DPP4: variants seen among roughly 807,000 people sequenced by gnomAD.
DPP4 encodes dipeptidyl peptidase 4.
In DPP4, 93 loss-of-function variants were observed where a neutral mutation model predicts 122.4. That is an observed-to-expected ratio of 0.76 (90% CI 0.64 to 0.90). DPP4 has a LOEUF of 0.90. Among genes scored for constraint, DPP4 ranks in the 40% least tolerant of loss-of-function variants. The probability of loss-of-function intolerance (pLI) is 0.00; values close to 1 mark genes in which losing one functional copy is unlikely to be tolerated. For missense variants in DPP4, 914 were observed against 907.3 expected, an observed-to-expected ratio of 1.01 and a Z score of -0.09; for synonymous variants, 321 against 302.9, an observed-to-expected ratio of 1.06 and a Z score of -0.62.
intron 25 of DPP4, 132 bp downstream of exon 25, chr2:161,994,829 T>C: frequency 1.3e-6 from 1 of 751,318 alleles, no homozygotes; most frequent in Non-Finnish European, 2.2e-6. Flanking sequence ...CTCTTCTGAC[T>C]TCACGTTGAA....
Position 162,074,073 on chromosome 2 carries a change from C to T in DPP4, c.-92G>A. 2 of 1,531,042 alleles carry T rather than the reference C, an allele frequency of 1.3e-6. No homozygotes were observed. Among genetic ancestry groups the T allele is most frequent in the Non-Finnish European group, 1.8e-6 (2 of 1,139,998 alleles). The allele number at this position is 1,531,042 out of a possible 1,614,324, so 94.8% of individuals were successfully genotyped here. On this transcript the variant is annotated 5_prime_UTR_variant, in exon 1 of 26. Transcript: ENST00000360534. ...GAGACGCGCGTCCTGCACCGCTGCTCCGGGCGGTGGAGTCACTCGCCGCTG... is the reference window on the plus strand; with the variant it reads ...GAGACGCGCGTCCTGCACCGCTGCTTCGGGCGGTGGAGTCACTCGCCGCTG...
chr2:162,009,584 T>C (rs1290808926), intron 20 of DPP4, among the ~76,000 whole-genome samples: 1 of 151,660 alleles, frequency 6.6e-6, no homozygotes, highest in Non-Finnish European at 1.5e-5. Flanking sequence ...CTGGCAGTTT[T>C]TTTCACAGTT....
At chr2:162,009,324 C>T (rs199637960) in intron 20 of DPP4, 29 bp from the exon 21 acceptor site, 22 of 1,605,096 alleles carry the variant, frequency 1.4e-5, no homozygotes, top group Non-Finnish European at 1.7e-5. Context: ...GTCCACAGAT[C>T]AGTACTGCAT....
In DPP4 at chr2:162,008,545, T is replaced by C. The variant is rs776278630; in HGVS notation, c.1987+17A>G. On this transcript the variant is annotated intron_variant, in intron 22 of 25. Coordinates refer to ENST00000360534, the MANE Select transcript of DPP4 (RefSeq NM_001935.4). Reference sequence around the variant, plus strand: ...TCAACACTCCGTATCTCTTTGTACCTGGCAGCAATTACATACCATAGTACT... The same window carrying C: ...TCAACACTCCGTATCTCTTTGTACCCGGCAGCAATTACATACCATAGTACT... 5 of 1,606,942 alleles carry C rather than the reference T, an allele frequency of 3.1e-6. No homozygotes were observed. The highest frequency in any genetic ancestry group is 1.6e-4 in the Middle Eastern group (1 of 6,064).
Position 162,009,290 on chromosome 2 carries a change from A to G in DPP4, c.1838T>C (p.Phe613Ser), listed in dbSNP as rs1701359404. The G allele has an allele frequency of 6.2e-7, 1 of 1,613,616 alleles. No individual in the cohort carries two copies. ...VEDQIEAARQ[F>S]SKMGFVDNKR... ...GTTGTCCACAAATCCCATTTTTGAA[A>G]ATTGTCTAAAACACAAGGAAAAAGT... The change falls in exon 21 of 26, where the codon TTT becomes TCT. Residue 613 changes from phenylalanine (F) to serine (S), a missense_variant. By Grantham distance (155) the Phe-to-Ser change is radical. Coordinates refer to ENST00000360534, the MANE Select transcript of DPP4 (RefSeq NM_001935.4).
intron 24 of DPP4, 101 bp downstream of exon 24, chr2:161,995,199 G>T: frequency 1.5e-6 from 2 of 1,327,142 alleles, no homozygotes; most frequent in East Asian, 2.3e-5. Context: ...CTGTTTTATT[G>T]AAGTAAATGT....
At chr2:162,035,131 T>G in intron 9 of DPP4, 33 bp downstream of exon 9, 1 of 1,580,954 alleles carries the variant, frequency 6.3e-7, no homozygotes, top group African/African-American at 1.4e-5. Flanking sequence ...TCCCATCAAA[T>G]CATGGAACCA....
chr2:162,020,799 A>G (rs1683098444), intron 12 of DPP4, 111 bp from the exon 13 acceptor site: 2 of 602,422 alleles, frequency 3.3e-6, no homozygotes, highest in East Asian at 6.1e-5. Context: ...TCCATGCTCC[A>G]TTTATATGCC....
intron 16 of DPP4, chr2:162,017,584 C>T (rs543260374): frequency 6.2e-6 from 1 of 160,542 alleles, no homozygotes; most frequent in African/African-American, 2.4e-5. Context: ...AGGGACAGAT[C>T]TCCCCCCGCT....
chr2:162,004,218 G>A (rs1265384768), intron 23 of DPP4, among the ~76,000 whole-genome samples: 1 of 152,150 alleles, frequency 6.6e-6, no homozygotes, highest in Non-Finnish European at 1.5e-5. Context: ...GTGGGTGGGA[G>A]TTAATCTCCC....
At chr2:162,042,225 G>A (rs1022332077) in intron 5 of DPP4, among the ~76,000 whole-genome samples, 5 of 152,126 alleles carry the variant, frequency 3.3e-5, no homozygotes, top group Non-Finnish European at 7.3e-5. Context: ...GGATAATGCC[G>A]GCAACAATCT....
chr2:162,021,676 G>A (rs989179318), intron 12 of DPP4: 3 of 152,318 alleles, frequency 2.0e-5, no homozygotes, highest in African/African-American at 7.2e-5. Flanking sequence ...CTCTAGACCT[G>A]TGTTCACAGC....
chr2:162,014,529 C>A, intron 18 of DPP4, 64 bp from the exon 19 acceptor site: 2 of 1,226,848 alleles, frequency 1.6e-6, no homozygotes, highest in Non-Finnish European at 1.2e-6. Context: ...TTTTGTTCCT[C>A]ATGTCCGTCA....
intron 18 of DPP4, among the ~76,000 whole-genome samples, chr2:162,015,605 C>T (rs1682881220): frequency 6.6e-6 from 1 of 152,050 alleles, no homozygotes; most frequent in African/African-American, 2.4e-5. Context: ...TTCACAGAGT[C>T]CCACCTTCCC....
At chr2:162,065,294 G>T (rs147979927) in intron 2 of DPP4, among the ~76,000 whole-genome samples, 228 of 152,248 alleles carry the variant, frequency 1.5e-3, no homozygotes, top group African/African-American at 5.2e-3. Context: ...ATCCTCTTCT[G>T]CCCTGTGAAT....
intron 14 of DPP4, 92 bp downstream of exon 14, chr2:162,020,135 CTT>C: frequency 9.4e-7 from 1 of 1,067,470 alleles, no homozygotes; most frequent in Non-Finnish European, 1.4e-6. Flanking sequence ...AAAGACTACT[CTT>C]TATTTGTAGG....
chr2:162,046,596 C>T (rs1684180839), intron 4 of DPP4: 2 of 444,504 alleles, frequency 4.5e-6, no homozygotes, highest in Admixed American at 2.6e-5. Context: ...AGAGTCAAGC[C>T]AGAGAGGAGG....
Position 162,014,435 on chromosome 2 carries a change from TGAG to T in DPP4, c.1595_1597del (p.Pro532del). 6.2e-7 allele frequency: 1 copy of T among 1,609,018 alleles called. No individual in the cohort carries two copies. The highest frequency in any genetic ancestry group is 8.5e-7 in the Non-Finnish European group (1 of 1,177,696). On this transcript the variant is annotated inframe_deletion, in exon 19 of 26. Coordinates refer to ENST00000360534, the MANE Select transcript of DPP4 (RefSeq NM_001935.4). Reference sequence around the variant, plus strand: ...AGGATATTTCTTGGATTTATCAAAATGAGGAGGCAAGATCATCTGATACCAAAA... The same window carrying T: ...AGGATATTTCTTGGATTTATCAAAATGAGGCAAGATCATCTGATACCAAAA...
At chr2:162,029,593 G>C (rs1683467039) in intron 10 of DPP4, among the ~76,000 whole-genome samples, 1 of 152,240 alleles carries the variant, frequency 6.6e-6, no homozygotes, top group Non-Finnish European at 1.5e-5. Flanking sequence ...TATCCTGTGT[G>C]ACAATCTGAG....
Sources: allele counts gnomAD v4.1 joint callset (sites outside exome capture counted in the v4.1 genomes callset), GRCh38; gene constraint gnomAD v4.1.1; transcripts MANE v1.5; gene names NCBI Gene and HGNC (gene_info 2026-07-23, HGNC 2026-07-21).